Variants in SCRIB observed in about 807,000 individuals in gnomAD.
The protein encoded by SCRIB is scribble planar cell polarity protein.
Under a neutral mutation model 170.0 loss-of-function variants are expected in SCRIB, and 72 were observed. The observed-to-expected ratio is 0.42, with a 90% CI of 0.35 to 0.52. The LOEUF (loss-of-function observed/expected upper bound fraction) is 0.52. Ranked by LOEUF, SCRIB falls within the 20% of genes least tolerant of loss-of-function variation. The pLI, the probability that SCRIB is intolerant of heterozygous loss-of-function variation, is 0.02. For synonymous variants in SCRIB, 1,298 were observed against 1,044.3 expected (o/e 1.24, Z -4.68); for missense variants, 2,475 against 2,338.5 (o/e 1.06, Z -1.20).
chr8:143,804,894 G>A, intron 20 of SCRIB, 40 bp downstream of exon 20: 1 of 1,527,470 alleles, frequency 6.5e-7, no homozygotes, highest in Non-Finnish European at 8.8e-7. Flanking sequence ...GGCGGGGCAG[G>A]GGGGATGGGT....
chr8:143,804,878 G>A lies in SCRIB; in HGVS notation c.2752-53C>T, dbSNP rs1554636011. On this transcript the variant is annotated intron_variant, in intron 20 of 36. Coordinates refer to ENST00000356994, the MANE Select transcript of SCRIB (RefSeq NM_182706.5). ...GCCCAAGGGCAGAAGGGGACAGAGG[G>A]CGCGGGGCGGGGCAGGGGGGATGGG... The A allele has an allele frequency of 3.2e-5, 49 of 1,531,132 alleles. 1 individual carries two copies. The South Asian group carries it at 5.4e-4, about 17-fold the overall frequency. 94.8% of individuals were successfully genotyped at this position (1,531,132 alleles called of 1,614,324 possible).
Position 143,804,166 on chromosome 8 carries a change from T to C in SCRIB, c.3010-10A>G. ...TTGGCAGACGGATCTCCTGGGGATT[T>C]AGGGCGGGACAAGGACAGGCCTCGG... On this transcript the variant is annotated splice_polypyrimidine_tract_variant and intron_variant, in intron 21 of 36. Transcript: ENST00000356994. 6.3e-7 allele frequency: 1 copy of C among 1,594,242 alleles called. No homozygotes were observed. The highest frequency in any genetic ancestry group is 8.6e-7 in the Non-Finnish European group (1 of 1,166,348).
At chr8:143,811,463 A>G in intron 9 of SCRIB, 118 bp from the exon 10 acceptor site, 1 of 847,888 alleles carries the variant, frequency 1.2e-6, no homozygotes, top group Non-Finnish European at 1.8e-6. Context: ...GGTCCCTCAC[A>G]GCCCCTGGAG....
At chr8:143,801,825 G>A (rs1164305454) in intron 24 of SCRIB, among the ~76,000 whole-genome samples, 1 of 152,210 alleles carries the variant, frequency 6.6e-6, no homozygotes, top group Non-Finnish European at 1.5e-5. Context: ...GGAGGGTGTG[G>A]AGGTGGCTCT....
chr8:143,810,647 T>C, intron 12 of SCRIB, 39 bp downstream of exon 12: 1 of 1,602,688 alleles, frequency 6.2e-7, no homozygotes, highest in African/African-American at 1.3e-5. Context: ...AGGGCAGGGG[T>C]CAGGCAGAGG....
intron 1 of SCRIB, among the ~76,000 whole-genome samples, chr8:143,814,581 G>A (rs962446516): frequency 2.6e-5 from 4 of 152,158 alleles, no homozygotes; most frequent in Non-Finnish European, 2.9e-5. Context: ...GCCTGCAGGT[G>A]GCCACAGAGG....
At position 143,805,222 on chromosome 8, in the gene SCRIB, G is replaced by A. The variant is rs1378566601; in HGVS notation, c.2560C>T (p.Pro854Ser). The A allele has an allele frequency of 1.3e-6, 2 of 1,552,870 alleles. No homozygotes were observed. The highest frequency in any genetic ancestry group is 1.2e-5 in the South Asian group (1 of 84,688). ...LRLPLLPPESPGPLRQRHVAC... is the reference protein window; with the variant it reads ...LRLPLLPPESSGPLRQRHVAC... ...ACGTGGCGCTGACGGAGGGGCCCGG[G>A]GCTCTCAGGCGGGAGCAGGGGCAGG... The change falls in exon 19 of 37, where the codon CCC becomes TCC. Residue 854 changes from proline (P) to serine (S), a missense_variant. By Grantham distance (74) the Pro-to-Ser change is moderately conservative. Around this residue, in one of 3 missense-constraint regions of SCRIB, gnomAD observed 1,966 missense variants for 1,742.9 expected, o/e 1.13. Transcript: ENST00000356994.
rs1554635469 is a variant in SCRIB, at chr8:143,803,563, G to A, written c.3423C>T (p.Pro1141=). ...DEGIFISKVS[P]TGAAGRDGRL... is the part of the protein sequence containing the mutation. The stretch of plus-strand genomic sequence containing the variant: ...GACCGTCGCGCCCGGCTGCCCCCGT[G>A]GGGCTCACCTGTGGGGAGACGTGGT... Residue 1141 remains proline (P), a synonymous_variant, in exon 24 of 37, where the codon CCC becomes CCT. Coordinates refer to ENST00000356994, the MANE Select transcript of SCRIB (RefSeq NM_182706.5). 1 of 1,602,380 alleles carries A rather than the reference G, an allele frequency of 6.2e-7. No homozygotes were observed. The highest frequency in any genetic ancestry group is 8.5e-7 in the Non-Finnish European group (1 of 1,178,322).
chr8:143,809,912 G>A (rs534097998), intron 13 of SCRIB, among the ~76,000 whole-genome samples, 194 bp from the exon 14 acceptor site: 1 of 152,276 alleles, frequency 6.6e-6, no homozygotes, highest in African/African-American at 2.4e-5. Flanking sequence ...AGCCTAGGGT[G>A]GACAAAGCCA....
chr8:143,803,267 AC>A (rs1430782429), intron 24 of SCRIB, 115 bp downstream of exon 24: 9 of 1,002,674 alleles, frequency 9.0e-6, no homozygotes, highest in Non-Finnish European at 1.3e-5. Context: ...GCCGCAGAGC[AC>A]CGCCCAGACC....
chr8:143,795,376 C>T (rs115359803), intron 25 of SCRIB, 43 bp from the exon 26 acceptor site: 105,986 of 1,612,478 alleles, frequency 0.066, 3,868 homozygotes, highest in Non-Finnish European at 0.074. Context: ...CCACCGGCCT[C>T]GGGCTCCCTG....
chr8:143,810,744 T>C lies in SCRIB; in HGVS notation c.1346A>G (p.Gln449Arg). 1.2e-6 allele frequency: 2 copies of C among 1,608,804 alleles called. No individual in the cohort carries two copies. Among genetic ancestry groups the C allele is most frequent in the Non-Finnish European group, 1.7e-6 (2 of 1,177,950 alleles). The change falls in exon 12 of 37, where the codon CAG becomes CGG. Residue 449 changes from glutamine (Q) to arginine (R), a missense_variant. Gln to Arg is a conservative substitution (Grantham distance 43). This residue lies in a region of SCRIB where 1,966 missense variants were observed against 1,742.9 expected (regional missense o/e 1.13). Coordinates refer to ENST00000356994, the MANE Select transcript of SCRIB (RefSeq NM_182706.5). ...ATCACCTATGGGGGCCTCCAGGAAC[T>C]GGATGACGCTGACGCGGCTCGGCGG... ...DAPPSRVSVI[Q>R]FLEAPIGDED...
rs565546823 is a variant in SCRIB at position 143,791,656 on chromosome 8, G to A, written c.4770+10C>T. Reference sequence around the variant, plus strand: ...GGTGGCAGGCATGCAGAGGCCTGGAGGCCAGGTACCTGGATGTCATAGACA... The same window carrying A: ...GGTGGCAGGCATGCAGAGGCCTGGAAGCCAGGTACCTGGATGTCATAGACA... On this transcript the variant is annotated intron_variant, in intron 35 of 36. Coordinates refer to ENST00000356994, the MANE Select transcript of SCRIB (RefSeq NM_182706.5). 8.2e-5 allele frequency: 131 copies of A among 1,602,448 alleles called. No homozygotes were observed. The South Asian group carries it at 1.4e-3, about 17-fold the overall frequency.
Position 143,790,989 on chromosome 8 carries a change from C to CTAGT in SCRIB, c.*170_*173dup, listed in dbSNP as rs1193212761. On this transcript the variant is annotated 3_prime_UTR_variant, in exon 37 of 37. Coordinates refer to ENST00000356994, the MANE Select transcript of SCRIB (RefSeq NM_182706.5). Reference sequence around the variant, plus strand: ...AGAGTCTTTGGTTGTACAAACATCACTAGTTACAGTCTCGCCGAGGTCTCG... The same window carrying CTAGT: ...AGAGTCTTTGGTTGTACAAACATCACTAGTTAGTTACAGTCTCGCCGAGGTCTCG... 4 of 554,686 alleles carry CTAGT rather than the reference C, an allele frequency of 7.2e-6. No homozygotes were observed. The highest frequency in any genetic ancestry group is 3.9e-5 in the African/African-American group (2 of 51,146). 34.4% of individuals were successfully genotyped at this position (554,686 alleles called of 1,614,324 possible).
chr8:143,813,906 A>G lies in SCRIB; in HGVS notation c.278-10T>C. 1 of 1,606,622 alleles carries G rather than the reference A, an allele frequency of 6.2e-7. No homozygotes were observed. Among genetic ancestry groups the G allele is most frequent in the South Asian group, 1.1e-5 (1 of 90,592 alleles). On this transcript the variant is annotated splice_polypyrimidine_tract_variant and intron_variant, in intron 2 of 36. Coordinates refer to ENST00000356994, the MANE Select transcript of SCRIB (RefSeq NM_182706.5). ...GGGATCTCAGGGATATCTGTCACAG[A>G]GGGTCACAGTGGACAGATGCCATGG...
chr8:143,803,285 C>A, intron 24 of SCRIB, 98 bp downstream of exon 24: 1 of 1,205,516 alleles, frequency 8.3e-7, no homozygotes, highest in South Asian at 1.6e-5. Flanking sequence ...GACCCAGAGG[C>A]ACAGGGGACC....
rs564612812 is a variant in SCRIB, at chr8:143,813,365, T to C, written c.513A>G (p.Ser171=). 1.3e-5 allele frequency: 21 copies of C among 1,613,560 alleles called. No homozygotes were observed. In the South Asian group the frequency reaches 1.9e-4, roughly 14 times the overall value. Residue 171 remains serine (S), a synonymous_variant, in exon 6 of 37, where the codon TCA becomes TCG. Transcript: ENST00000356994. ...CCAGCTGTTCCAGCTTGACCAGAAA[T>C]GACAGGGACCTGCAGAGGAAGCAGG... ...NLLKSLPASL[S]FLVKLEQLDL...
At position 143,815,462 on chromosome 8, in the gene SCRIB, G is replaced by A. The variant is rs952565811; in HGVS notation, c.-90C>T. 9.1e-7 allele frequency: 1 copy of A among 1,101,886 alleles called. No homozygotes were observed. The allele number at this position is 1,101,886 out of a possible 1,614,324, so 68.3% of individuals were successfully genotyped here. A position where few individuals can be genotyped will look rare whatever the true frequency, so the allele number is the denominator to read the frequency against. On this transcript the variant is annotated 5_prime_UTR_variant, in exon 1 of 37. Coordinates refer to ENST00000356994, the MANE Select transcript of SCRIB (RefSeq NM_182706.5). ...CTCAGTCCGCATGGGCGCCGCGCAT[G>A]GGGAGGGGGCGCAGGCAGGGGGCGG...
chr8:143,810,453 C>T, intron 13 of SCRIB, 26 bp downstream of exon 13: 1 of 1,600,084 alleles, frequency 6.2e-7, no homozygotes, highest in Non-Finnish European at 8.5e-7. Flanking sequence ...CAGCGGCCCG[C>T]CAGGTTGCCG....
Sources: allele counts gnomAD v4.1 joint callset (sites outside exome capture counted in the v4.1 genomes callset), GRCh38; gene constraint gnomAD v4.1.1; regional missense constraint gnomAD v4.1.1; transcripts MANE v1.5; gene names NCBI Gene and HGNC (gene_info 2026-07-23, HGNC 2026-07-21).